The following SLC25A21 variants were observed in gnomAD, a reference collection of about 807,000 sequenced individuals.
The protein encoded by SLC25A21 is solute carrier family 25 member 21.
SLC25A21 carries 47 observed loss-of-function variants against 43.8 expected under a neutral mutation model. The ratio of observed to expected loss-of-function variants is 1.07; its 90% CI spans 0.85 to 1.37. The LOEUF is 1.37. Among genes scored for constraint, SLC25A21 ranks in the 40% most tolerant of loss-of-function variants. The pLI is 0.00. For synonymous variants in SLC25A21, 131 were observed against 121.3 expected (o/e 1.08, Z -0.52); for missense variants, 352 against 350.2 (o/e 1.00, Z -0.04).
intron 1 of SLC25A21, among the ~76,000 whole-genome samples, chr14:36,991,223 G>A (rs992391872): frequency 5.3e-5 from 8 of 152,170 alleles, no homozygotes; most frequent in Admixed American, 5.2e-4. Flanking sequence ...ACAGTGGATT[G>A]CCCATTCAGG....
intron 3 of SLC25A21, among the ~76,000 whole-genome samples, chr14:36,791,650 T>G (rs1235731847): frequency 6.6e-6 from 1 of 152,226 alleles, no homozygotes; most frequent in Non-Finnish European, 1.5e-5. Flanking sequence ...GGAGTTTTTC[T>G]TTTTATACAA....
intron 2 of SLC25A21, among the ~76,000 whole-genome samples, chr14:36,855,661 G>T (rs915782584): frequency 6.6e-6 from 1 of 152,122 alleles, no homozygotes; most frequent in Non-Finnish European, 1.5e-5. Context: ...GTTTTAACTA[G>T]CCCTCCTGGT....
chr14:37,065,776 A>T (rs1472256108), intron 1 of SLC25A21, among the ~76,000 whole-genome samples: 2 of 152,226 alleles, frequency 1.3e-5, no homozygotes, highest in Non-Finnish European at 2.9e-5. Context: ...ATGGTAAAAC[A>T]ATTATGCATA....
chr14:36,687,456 C>T (rs995860347), intron 7 of SLC25A21, among the ~76,000 whole-genome samples: 1 of 152,110 alleles, frequency 6.6e-6, no homozygotes, highest in Non-Finnish European at 1.5e-5. Flanking sequence ...CAGATAAGGA[C>T]CCAAGTCTAG....
chr14:37,060,941 T>C (rs17106163), intron 1 of SLC25A21, among the ~76,000 whole-genome samples: 4,029 of 152,136 alleles, frequency 0.026, 178 homozygotes, highest in African/African-American at 0.09. Context: ...TTCTGCCCAA[T>C]AGAGCTGCCC....
intron 9 of SLC25A21, among the ~76,000 whole-genome samples, chr14:36,683,207 T>C (rs931726328): frequency 2.0e-5 from 3 of 152,242 alleles, no homozygotes; most frequent in South Asian, 4.1e-4. Flanking sequence ...TCTATTTACA[T>C]AGAGGCAGCC....
rs2139126323 is a variant in SLC25A21 at position 36,678,373 on chromosome 14, A to G, written c.*2285T>C. The G allele has an allele frequency of 1.0e-6, 1 of 955,210 alleles. No individual in the cohort carries two copies. Among genetic ancestry groups the G allele is most frequent in the East Asian group, 2.6e-5 (1 of 38,268 alleles). 59.2% of individuals were successfully genotyped at this position (955,210 alleles called of 1,614,324 possible). On this transcript the variant is annotated 3_prime_UTR_variant, in exon 10 of 10. Transcript: ENST00000331299. ...AAGCAACCGAAATTCAGTGCTACAA[A>G]TAGAGGATTATAACTTCAGGAGAAG... is the stretch of plus-strand genomic sequence containing the variant.
chr14:36,791,801 T>C (rs1207449126), intron 3 of SLC25A21, among the ~76,000 whole-genome samples: 1 of 152,146 alleles, frequency 6.6e-6, no homozygotes, highest in Non-Finnish European at 1.5e-5. Flanking sequence ...GAAAATGATG[T>C]GATATTTGAA....
chr14:37,018,513 C>G (rs1241625642), intron 1 of SLC25A21, among the ~76,000 whole-genome samples: 1 of 151,986 alleles, frequency 6.6e-6, no homozygotes, highest in Non-Finnish European at 1.5e-5. Flanking sequence ...GGAAAGAAAT[C>G]AGGAACATCT....
intron 6 of SLC25A21, among the ~76,000 whole-genome samples, chr14:36,714,414 G>T (rs933468376): frequency 1.3e-5 from 2 of 152,208 alleles, no homozygotes; most frequent in African/African-American, 4.8e-5. Context: ...TAGAGATCTT[G>T]TTCCAGGTAC....
intron 1 of SLC25A21, among the ~76,000 whole-genome samples, chr14:37,096,087 T>C (rs1245902608): frequency 6.6e-6 from 1 of 152,110 alleles, no homozygotes; most frequent in African/African-American, 2.4e-5. Flanking sequence ...TGAAGAACAG[T>C]TCCAGATTAA....
chr14:36,758,007 G>A (rs568928671), intron 3 of SLC25A21, among the ~76,000 whole-genome samples: 1 of 152,194 alleles, frequency 6.6e-6, no homozygotes, highest in African/African-American at 2.4e-5. Flanking sequence ...ATTCTTCAAG[G>A]GGAGCCTTTG....
rs1436723317 is a variant in SLC25A21 at position 36,786,752 on chromosome 14, G to A, written c.203+27166C>T. On this transcript the variant is annotated intron_variant, in intron 3 of 9. Coordinates refer to ENST00000331299, the MANE Select transcript of SLC25A21 (RefSeq NM_030631.4). ...TGTCTTTTAAGGACCATCTAAGAAA[G>A]AAGACCAAAAAATATGGCATGAAAA... Among the ~76,000 whole-genome samples the A allele has an allele frequency of 2.6e-5, 4 of 152,216 alleles. No individual in the cohort carries two copies. In the East Asian group the frequency reaches 7.7e-4, roughly 29 times the overall value.
chr14:36,938,876 T>C (rs1367031), intron 1 of SLC25A21, among the ~76,000 whole-genome samples: 72,933 of 151,870 alleles, frequency 0.48, 20,171 homozygotes, highest in Non-Finnish European at 0.62. Context: ...AAATCTATAT[T>C]TCTTATTGCA....
intron 1 of SLC25A21, among the ~76,000 whole-genome samples, chr14:36,922,781 C>T (rs145248042): frequency 2.1e-4 from 32 of 152,144 alleles, no homozygotes; most frequent in African/African-American, 6.5e-4. Flanking sequence ...ATAAGGGCTG[C>T]TTTAGACACA....
chr14:36,743,683 G>C (rs753619538), intron 3 of SLC25A21, among the ~76,000 whole-genome samples: 1 of 152,078 alleles, frequency 6.6e-6, no homozygotes, highest in Non-Finnish European at 1.5e-5. Flanking sequence ...CATATTCAAC[G>C]TAGTACTGGA....
chr14:36,803,575 T>C (rs1417810073), intron 3 of SLC25A21, among the ~76,000 whole-genome samples: 1 of 152,154 alleles, frequency 6.6e-6, no homozygotes, highest in Non-Finnish European at 1.5e-5. Flanking sequence ...TCTTTAAGAG[T>C]TTCCAAAATG....
intron 1 of SLC25A21, among the ~76,000 whole-genome samples, chr14:36,898,620 G>A (rs542275409): frequency 1.6e-4 from 24 of 152,228 alleles, no homozygotes; most frequent in Admixed American, 1.2e-3. Flanking sequence ...TGTCTTCTGC[G>A]TCGCTCATGC....
At chr14:37,142,506 A>T (rs1424335698) in intron 1 of SLC25A21, among the ~76,000 whole-genome samples, 6 of 152,194 alleles carry the variant, frequency 3.9e-5, no homozygotes, top group Non-Finnish European at 7.3e-5. Context: ...GACCGCAGAC[A>T]GGTGCTACCA....
Sources: allele counts gnomAD v4.1 joint callset (sites outside exome capture counted in the v4.1 genomes callset), GRCh38; gene constraint gnomAD v4.1.1; transcripts MANE v1.5; gene names NCBI Gene and HGNC (gene_info 2026-07-23, HGNC 2026-07-21).